The following MAF variants were observed in gnomAD, a reference collection of about 807,000 sequenced individuals.
MAF encodes transcription factor Maf.
A neutral mutation model predicts 22.0 loss-of-function variants in MAF; 10 were observed. The ratio of observed to expected loss-of-function variants is 0.45; its 90% CI spans 0.28 to 0.77. The LOEUF is 0.77. Ranked by LOEUF, MAF falls within the 30% of genes least tolerant of loss-of-function variation. The probability of loss-of-function intolerance (pLI) is 0.12; values close to 1 mark genes in which losing one functional copy is unlikely to be tolerated. For missense variants in MAF, 544 were observed against 548.4 expected (o/e 0.99, Z 0.08); for synonymous variants, 337 against 255.8 (o/e 1.32, Z -3.03).
At chr16:79,457,184 C>A in the MAF span, among the ~76,000 whole-genome samples, 4 of 152,104 alleles carry the variant, frequency 2.6e-5, no homozygotes, top group Non-Finnish European at 5.9e-5. Context: ...AAAAAATTTC[C>A]AAATTAGCTT....
At chr16:79,355,070 T>C in the MAF span, among the ~76,000 whole-genome samples, 1 of 152,162 alleles carries the variant, frequency 6.6e-6, no homozygotes, top group Non-Finnish European at 1.5e-5. Flanking sequence ...CTTGATAAGA[T>C]TAGTTTTTCC....
At chr16:79,259,722 G>A in the MAF span, among the ~76,000 whole-genome samples, 1 of 152,166 alleles carries the variant, frequency 6.6e-6, no homozygotes, top group African/African-American at 2.4e-5. Context: ...CAGGACTGCT[G>A]GTCATCCTAG....
the MAF span, among the ~76,000 whole-genome samples, chr16:79,387,843 T>A: frequency 2.6e-5 from 4 of 152,192 alleles, no homozygotes; most frequent in African/African-American, 9.6e-5. Flanking sequence ...CACGTGAGGA[T>A]TCCAATCAAC....
the MAF span, among the ~76,000 whole-genome samples, chr16:79,295,002 C>G: frequency 5.3e-5 from 8 of 149,672 alleles, no homozygotes; most frequent in South Asian, 1.7e-3. Context: ...CTACTTCCCC[C>G]TAGAGCAGGT....
At chr16:79,567,112 G>A in the MAF span, among the ~76,000 whole-genome samples, 12 of 152,330 alleles carry the variant, frequency 7.9e-5, no homozygotes, top group Admixed American at 7.8e-4. Context: ...AAGGTCAGGA[G>A]TTCGAGACCA....
the MAF span, among the ~76,000 whole-genome samples, chr16:79,345,214 G>C: frequency 2.0e-5 from 3 of 151,886 alleles, no homozygotes; most frequent in Non-Finnish European, 4.4e-5. Context: ...TATATTACTT[G>C]ATCTGATTAT....
chr16:79,203,058 T>C, the MAF span: 5 of 152,202 alleles, frequency 3.3e-5, no homozygotes, highest in East Asian at 7.7e-4. Context: ...GCAGAATTAT[T>C]TACCCGGGCA....
At chr16:79,447,835 T>C in the MAF span, among the ~76,000 whole-genome samples, 1 of 137,436 alleles carries the variant, frequency 7.3e-6, no homozygotes, top group Non-Finnish European at 1.5e-5. Flanking sequence ...TGGAGGACGT[T>C]GTTGTTAGCT....
chr16:79,470,210 AG>A, the MAF span, among the ~76,000 whole-genome samples: 1 of 152,226 alleles, frequency 6.6e-6, no homozygotes, highest in Non-Finnish European at 1.5e-5. Context: ...TCTGGTTCTG[AG>A]GAAGTGGGAA....
At chr16:79,225,283 T>A in the MAF span, among the ~76,000 whole-genome samples, 25 of 152,278 alleles carry the variant, frequency 1.6e-4, no homozygotes, top group South Asian at 5.2e-3. Context: ...ATTTGATAAA[T>A]GGTGTTGAGA....
the MAF span, among the ~76,000 whole-genome samples, chr16:79,238,773 G>A: frequency 1.3e-5 from 2 of 152,052 alleles, no homozygotes; most frequent in East Asian, 3.9e-4. Context: ...AAATGGGTAG[G>A]CTGTATTTTT....
the MAF span, among the ~76,000 whole-genome samples, chr16:79,375,857 C>T: frequency 1.3e-5 from 2 of 152,106 alleles, no homozygotes; most frequent in African/African-American, 2.4e-5. Context: ...GGAAGCATAC[C>T]ATCATGGTGG....
At chr16:79,287,527 G>C in the MAF span, among the ~76,000 whole-genome samples, 1 of 152,174 alleles carries the variant, frequency 6.6e-6, no homozygotes, top group Non-Finnish European at 1.5e-5. Flanking sequence ...CCCAAACCCT[G>C]AGTCCTGCCA....
chr16:79,477,126 A>G, the MAF span, among the ~76,000 whole-genome samples: 47 of 152,208 alleles, frequency 3.1e-4, no homozygotes, highest in Non-Finnish European at 6.5e-4. Context: ...GAAAGGACCC[A>G]GAGTGGGAAC....
the MAF span, among the ~76,000 whole-genome samples, chr16:79,521,582 T>A: frequency 7.2e-5 from 11 of 152,134 alleles, no homozygotes; most frequent in Non-Finnish European, 1.3e-4. Context: ...TTCTTCTACA[T>A]AGTCAACATC....
the MAF span, among the ~76,000 whole-genome samples, chr16:79,290,445 G>T: frequency 6.6e-6 from 1 of 152,182 alleles, no homozygotes; most frequent in Non-Finnish European, 1.5e-5. Context: ...GTTCAAAAAG[G>T]TAACAGAGGT....
the MAF span, among the ~76,000 whole-genome samples, chr16:79,345,403 G>A: frequency 6.6e-6 from 1 of 152,098 alleles, no homozygotes; most frequent in Non-Finnish European, 1.5e-5. Flanking sequence ...AAAGGAGAAA[G>A]AACTTGTATT....
At chr16:79,424,023 AG>A in the MAF span, among the ~76,000 whole-genome samples, 1 of 152,218 alleles carries the variant, frequency 6.6e-6, no homozygotes, top group Non-Finnish European at 1.5e-5. Flanking sequence ...CTTATTTCAT[AG>A]GTTTTCACCC....
At chr16:79,433,953 C>T in the MAF span, among the ~76,000 whole-genome samples, 2 of 152,292 alleles carry the variant, frequency 1.3e-5, no homozygotes, top group East Asian at 3.9e-4. Context: ...CCTACCTTTC[C>T]CTTTTCTTCT....
Sources: allele counts gnomAD v4.1 joint callset (sites outside exome capture counted in the v4.1 genomes callset), GRCh38; gene constraint gnomAD v4.1.1; transcripts MANE v1.5; gene names NCBI Gene and HGNC (gene_info 2026-07-23, HGNC 2026-07-21).